TRAPPC9: variants seen among roughly 807,000 people sequenced by gnomAD.
TRAPPC9 encodes the protein trafficking protein particle complex subunit 9, also known as IKK2 binding protein.
A neutral mutation model predicts 124.0 loss-of-function variants in TRAPPC9; 83 were observed. The observed-to-expected ratio is 0.67, with a 90% CI of 0.56 to 0.80. The LOEUF (loss-of-function observed/expected upper bound fraction) is 0.80. TRAPPC9 is among the 30% of genes least tolerant of loss of function. The probability of loss-of-function intolerance (pLI) is 0.00; values close to 1 mark genes in which losing one functional copy is unlikely to be tolerated. For synonymous variants in TRAPPC9, 638 were observed against 617.5 expected (o/e 1.03, Z -0.49); for missense variants, 1,302 against 1,508.3 (o/e 0.86, Z 2.27).
chr8:140,189,628 T>C (rs2062436565), intron 17 of TRAPPC9, among the ~76,000 whole-genome samples: 1 of 152,120 alleles, frequency 6.6e-6, no homozygotes, highest in South Asian at 2.1e-4. Flanking sequence ...TAGCACCCAT[T>C]TCTGGGTAGT....
chr8:139,976,036 C>T (rs982087658), intron 19 of TRAPPC9, among the ~76,000 whole-genome samples: 3 of 147,378 alleles, frequency 2.0e-5, no homozygotes, highest in East Asian at 4.1e-4. Context: ...GGACTACAGG[C>T]GCCCGCCACC....
chr8:140,020,990 T>C (rs1354895598), intron 18 of TRAPPC9, among the ~76,000 whole-genome samples: 2 of 152,248 alleles, frequency 1.3e-5, no homozygotes, highest in Non-Finnish European at 2.9e-5. Context: ...TGTTTTTACA[T>C]TATGCATAGT....
intron 17 of TRAPPC9, chr8:140,082,297 CATT>C (rs1843875485): frequency 6.6e-6 from 1 of 151,568 alleles, no homozygotes; most frequent in Non-Finnish European, 1.5e-5. Context: ...TGAAATATAA[CATT>C]AGACAGCAAT....
rs7000376 is a variant in TRAPPC9, at chr8:140,020,873, G to T, written c.2699+3064C>A. On this transcript the variant is annotated intron_variant, in intron 18 of 22. Transcript: ENST00000438773. ...TATGTACTTTTGATGACTTGATTTT[G>T]CTGTCATTAAAAATTGTCCTCTTTT... 2.0e-3 allele frequency among the ~76,000 whole-genome samples: 298 copies of T among 152,178 alleles called. 2 individuals carry two copies. The highest frequency in any genetic ancestry group is 2.9e-3 in the Non-Finnish European group (198 of 68,002).
chr8:140,108,516 G>GC lies in TRAPPC9; in HGVS notation c.2557-84438dup, dbSNP rs575868018. ...TTTTGGTAGCACAAAGCTCCCGCTC[G>GC]CCCCCCTTGCCCAGGGCGCACCTGG... On this transcript the variant is annotated intron_variant, in intron 17 of 22. Coordinates refer to ENST00000438773, the MANE Select transcript of TRAPPC9 (RefSeq NM_001160372.4). Among the ~76,000 whole-genome samples, 51 of 152,292 alleles carry GC rather than the reference G, an allele frequency of 3.3e-4. No homozygotes were observed. In the East Asian group the frequency reaches 9.4e-3, roughly 28 times the overall value.
intron 7 of TRAPPC9, among the ~76,000 whole-genome samples, chr8:140,387,654 G>A (rs531936644): frequency 6.6e-6 from 1 of 151,990 alleles, no homozygotes; most frequent in Admixed American, 6.6e-5. Context: ...TCAGAGAAAT[G>A]CAAATCAAAA....
chr8:140,417,393 A>G lies in TRAPPC9; in HGVS notation c.886+9222T>C, dbSNP rs190672448. 2.2e-3 allele frequency among the ~76,000 whole-genome samples: 332 copies of G among 152,310 alleles called. 2 individuals carry two copies. Among genetic ancestry groups the G allele is most frequent in the African/African-American group, 7.8e-3 (323 of 41,584 alleles). ...AAACAACCCCATCAAAAAGTAAGCA[A>G]AGGCGAAGGATATGAACAGACACTT... On this transcript the variant is annotated intron_variant, in intron 5 of 22. Coordinates refer to ENST00000438773, the MANE Select transcript of TRAPPC9 (RefSeq NM_001160372.4).
At position 140,257,054 on chromosome 8, in the gene TRAPPC9, TG is replaced by T. The variant is rs2064282834; in HGVS notation, c.2279-4126del. ...TGAGCTCTCCCTCTGTGCCAGGCAC[TG>T]TCTGAAGTTCATATGCTAAGGCCAG... On this transcript the variant is annotated intron_variant, in intron 15 of 22. Transcript: ENST00000438773. The surrounding 1 kb of genome is among the most constrained non-coding windows in gnomAD (Gnocchi z 4.6). 6.6e-6 allele frequency among the ~76,000 whole-genome samples: 1 copy of T among 152,216 alleles called. No homozygotes were observed. The highest frequency in any genetic ancestry group is 2.4e-5 in the African/African-American group (1 of 41,462).
At chr8:139,746,964 A>G (rs1185819078) in intron 21 of TRAPPC9, among the ~76,000 whole-genome samples, 13 of 152,224 alleles carry the variant, frequency 8.5e-5, no homozygotes, top group Non-Finnish European at 1.9e-4. Context: ...TTGGACAAGC[A>G]CTTTAGACAA....
At chr8:140,272,388 T>TGATGGTGGC (rs1306219588) in intron 15 of TRAPPC9, among the ~76,000 whole-genome samples, 5 of 131,154 alleles carry the variant, frequency 3.8e-5, no homozygotes, top group African/African-American at 1.3e-4. Flanking sequence ...GTGATGATGG[T>TGATGGTGGC]GATGGTGGCG....
chr8:140,062,584 C>A (rs1842686312), intron 17 of TRAPPC9, among the ~76,000 whole-genome samples: 1 of 152,140 alleles, frequency 6.6e-6, no homozygotes, highest in African/African-American at 2.4e-5. Flanking sequence ...TTCCTGTAAG[C>A]CCTGCTCAGC....
Position 139,791,264 on chromosome 8 carries a change from C to A in TRAPPC9, c.3056-59062G>T, listed in dbSNP as rs190187835. Among the ~76,000 whole-genome samples the A allele has an allele frequency of 1.3e-3, 194 of 152,264 alleles. 1 individual carries two copies. Among genetic ancestry groups the A allele is most frequent in the Non-Finnish European group, 2.4e-3 (160 of 67,998 alleles). On this transcript the variant is annotated intron_variant, in intron 21 of 22. Coordinates refer to ENST00000438773, the MANE Select transcript of TRAPPC9 (RefSeq NM_001160372.4). ...ACTCGCACTCTAACACGCAGACTCA[C>A]ACACACAGGCGCCCGTCTCCCCTGC...
At chr8:140,033,673 T>TTTTTTTG (rs1840671911) in intron 17 of TRAPPC9, among the ~76,000 whole-genome samples, 2 of 76,732 alleles carry the variant, frequency 2.6e-5, no homozygotes, top group Non-Finnish European at 5.2e-5. Context: ...TTTTTTTTTT[T>TTTTTTTG]TTTTTTTTTT....
At chr8:140,409,492 T>C (rs2132451608) in intron 5 of TRAPPC9, among the ~76,000 whole-genome samples, 1 of 152,270 alleles carries the variant, frequency 6.6e-6, no homozygotes, top group South Asian at 2.1e-4. Context: ...TACAGAAACA[T>C]ACCTATGCAA....
At chr8:140,445,485 A>G (rs2071211827) in intron 2 of TRAPPC9, among the ~76,000 whole-genome samples, 1 of 152,098 alleles carries the variant, frequency 6.6e-6, no homozygotes, top group Non-Finnish European at 1.5e-5. Context: ...GGTCCAGGAG[A>G]GCACCTGGGT....
chr8:140,450,646 T>C, intron 2 of TRAPPC9, 144 bp downstream of exon 2: 1 of 742,362 alleles, frequency 1.3e-6, no homozygotes. Flanking sequence ...TTAGCAGCAC[T>C]CAAACAGATT....
At chr8:140,344,888 C>T (rs576984304) in intron 9 of TRAPPC9, among the ~76,000 whole-genome samples, 2 of 152,228 alleles carry the variant, frequency 1.3e-5, no homozygotes, top group South Asian at 2.1e-4. Context: ...GGTGCTATGG[C>T]GTGAAGCCGT....
chr8:140,443,716 C>G (rs1240117518), intron 2 of TRAPPC9, among the ~76,000 whole-genome samples: 1 of 152,142 alleles, frequency 6.6e-6, no homozygotes, highest in East Asian at 1.9e-4. Context: ...GCCTGTCCAA[C>G]ATAGCAAAAC....
intron 17 of TRAPPC9, among the ~76,000 whole-genome samples, chr8:140,118,117 A>G (rs1483879015): frequency 2.0e-5 from 3 of 152,244 alleles, no homozygotes; most frequent in Non-Finnish European, 4.4e-5. Flanking sequence ...CATTTAAATC[A>G]GAAACCAAGA....
Sources: allele counts gnomAD v4.1 joint callset (sites outside exome capture counted in the v4.1 genomes callset), GRCh38; gene constraint gnomAD v4.1.1; non-coding constraint Gnocchi (gnomAD v3.1); transcripts MANE v1.5; gene names NCBI Gene and HGNC (gene_info 2026-07-23, HGNC 2026-07-21).